The following SAXO1 variants were observed in gnomAD, a reference collection of about 807,000 sequenced individuals.
The protein encoded by SAXO1 is 4930500O09Rik.
In SAXO1, 21 loss-of-function variants were observed where a neutral mutation model predicts 17.5. The ratio of observed to expected loss-of-function variants is 1.20; its 90% CI spans 0.85 to 1.72. The LOEUF (loss-of-function observed/expected upper bound fraction) is 1.72, where lower values mean the gene tolerates loss of function less well. SAXO1 is among the 40% of genes most tolerant of loss of function. SAXO1 has a pLI of 0.00. For synonymous variants in SAXO1, 274 were observed against 216.5 expected, an observed-to-expected ratio of 1.27 and a Z score of -2.33; for missense variants, 843 against 596.0, an observed-to-expected ratio of 1.41 and a Z score of -4.32.
chr9:18,985,913 T>C (rs1199932384), intron 1 of SAXO1, among the ~76,000 whole-genome samples: 2 of 152,164 alleles, frequency 1.3e-5, no homozygotes, highest in African/African-American at 4.8e-5. Context: ...TTAAACAAAG[T>C]TTATTTTCAC....
At position 18,999,559 on chromosome 9, in the gene SAXO1, G is replaced by T. The variant is rs113626084; in HGVS notation, c.38+33312C>A. On this transcript the variant is annotated intron_variant, in intron 1 of 3. Transcript: ENST00000380534. ...CACCGTCTGGGAAGTGAGGAGCGCC[G>T]CTGCCTGGCCGCCACACCATCTGGG... Among the ~76,000 whole-genome samples the T allele has an allele frequency of 3.4e-3, 263 of 77,616 alleles. 5 individuals carry two copies. In the South Asian group the frequency reaches 0.048, roughly 14 times the overall value. The allele number at this position is 77,616 out of a possible 152,430, so 50.9% of individuals were successfully genotyped here.
At chr9:18,936,659 C>T (rs1831305972) in intron 3 of SAXO1, among the ~76,000 whole-genome samples, 1 of 152,206 alleles carries the variant, frequency 6.6e-6, no homozygotes. Context: ...ACATGACAAA[C>T]TATTCATATG....
Position 18,950,709 on chromosome 9 carries a change from T to A in SAXO1, c.218+49A>T, listed in dbSNP as rs192818730. 3 of 1,512,476 alleles carry A rather than the reference T, an allele frequency of 2.0e-6. No individual in the cohort carries two copies. The East Asian group carries it at 6.8e-5, about 34-fold the overall frequency. 93.7% of individuals were successfully genotyped at this position (1,512,476 alleles called of 1,614,324 possible). On this transcript the variant is annotated intron_variant, in intron 2 of 3. Coordinates refer to ENST00000380534, the MANE Select transcript of SAXO1 (RefSeq NM_153707.4). Reference sequence around the variant, plus strand: ...ATTATACATTAGCACTGCATGTTACTCCATTAGTGTTGTATGTACCTGCAT... The same window carrying A: ...ATTATACATTAGCACTGCATGTTACACCATTAGTGTTGTATGTACCTGCAT...
At chr9:18,991,415 AG>A (rs1486287536) in intron 1 of SAXO1, among the ~76,000 whole-genome samples, 1 of 152,214 alleles carries the variant, frequency 6.6e-6, no homozygotes, top group African/African-American at 2.4e-5. Context: ...TGTCCTTTGC[AG>A]GGACATGGAT....
intron 3 of SAXO1, among the ~76,000 whole-genome samples, chr9:18,932,855 C>A (rs1475149832): frequency 1.3e-5 from 2 of 152,154 alleles, no homozygotes; most frequent in South Asian, 2.1e-4. Flanking sequence ...ACAGAAACAA[C>A]TGATTTTTAT....
Position 18,962,749 on chromosome 9 carries a change from A to G in SAXO1, c.39-11812T>C, listed in dbSNP as rs145556858. Among the ~76,000 whole-genome samples the G allele has an allele frequency of 1.2e-4, 18 of 152,354 alleles. No individual in the cohort carries two copies. The East Asian group carries it at 3.5e-3, about 29-fold the overall frequency. ...TTGCAAAAATTTTCTCCCTTTCAGT[A>G]GGTTGCCTGTTCACTCTAATGATAG... On this transcript the variant is annotated intron_variant, in intron 1 of 3. Coordinates refer to ENST00000380534, the MANE Select transcript of SAXO1 (RefSeq NM_153707.4).
At chr9:18,951,059 C>T (rs1832017752) in intron 1 of SAXO1, 122 bp from the exon 2 acceptor site, 19 of 991,466 alleles carry the variant, frequency 1.9e-5, no homozygotes, top group Non-Finnish European at 2.5e-5. Flanking sequence ...CATTGAAAAC[C>T]AGAATTCAAC....
intron 2 of SAXO1, among the ~76,000 whole-genome samples, chr9:18,949,651 T>C (rs895654213): frequency 7.5e-5 from 11 of 146,740 alleles, no homozygotes; most frequent in African/African-American, 2.7e-4. Context: ...GATGGCAGCA[T>C]TGTGTAGAGA....
intron 1 of SAXO1, among the ~76,000 whole-genome samples, chr9:18,958,285 G>A (rs574869971): frequency 2.0e-5 from 3 of 152,242 alleles, no homozygotes; most frequent in African/African-American, 7.2e-5. Context: ...TTAGCCAGGT[G>A]TGATGGTGGG....
intron 1 of SAXO1, among the ~76,000 whole-genome samples, chr9:18,990,478 G>C (rs1833771378): frequency 6.6e-6 from 1 of 152,196 alleles, no homozygotes; most frequent in Non-Finnish European, 1.5e-5. Flanking sequence ...GGCCAAGGTA[G>C]GAGAATTGCT....
At chr9:18,998,922 A>C (rs11790580) in intron 1 of SAXO1, among the ~76,000 whole-genome samples, 12,511 of 152,276 alleles carry the variant, frequency 0.082, 719 homozygotes, top group African/African-American at 0.16. Flanking sequence ...TTTTGTCACC[A>C]CCAGGCCTGC....
chr9:19,026,902 T>C, intron 1 of SAXO1: 1 of 739,886 alleles, frequency 1.4e-6, no homozygotes, highest in South Asian at 1.3e-5. Flanking sequence ...ATGGCAACCG[T>C]GTGGGATGAG....
At chr9:18,959,256 A>T (rs1345105157) in intron 1 of SAXO1, among the ~76,000 whole-genome samples, 2 of 152,236 alleles carry the variant, frequency 1.3e-5, no homozygotes, top group African/African-American at 4.8e-5. Context: ...CTAAAATCAG[A>T]TCATCTTGCA....
At chr9:19,024,665 C>T (rs563782397) in intron 1 of SAXO1, among the ~76,000 whole-genome samples, 1 of 152,074 alleles carries the variant, frequency 6.6e-6, no homozygotes, top group African/African-American at 2.4e-5. Flanking sequence ...GCTTCACTTT[C>T]CTCATCACTT....
intron 1 of SAXO1, among the ~76,000 whole-genome samples, chr9:18,983,457 C>A (rs1374931639): frequency 1.3e-5 from 2 of 152,190 alleles, no homozygotes; most frequent in Admixed American, 1.3e-4. Flanking sequence ...GGTGGGGACA[C>A]AGAGCCAAAC....
intron 1 of SAXO1, chr9:19,027,973 T>C: frequency 6.5e-7 from 1 of 1,540,568 alleles, no homozygotes; most frequent in Non-Finnish European, 9.0e-7. Context: ...GCTGACCCGC[T>C]GCACAGATGA....
chr9:19,011,401 G>A (rs1184621411), intron 1 of SAXO1, among the ~76,000 whole-genome samples: 1 of 152,178 alleles, frequency 6.6e-6, no homozygotes, highest in East Asian at 1.9e-4. Context: ...GGCCATAGAT[G>A]ACTTAAACAA....
At chr9:18,951,408 G>A (rs538453260) in intron 1 of SAXO1, among the ~76,000 whole-genome samples, 13 of 152,070 alleles carry the variant, frequency 8.5e-5, no homozygotes, top group Admixed American at 6.6e-4. Context: ...GGGTCAACTC[G>A]GAATATCATC....
chr9:19,018,012 A>G (rs1835060248), intron 1 of SAXO1, among the ~76,000 whole-genome samples: 1 of 152,082 alleles, frequency 6.6e-6, no homozygotes, highest in African/African-American at 2.4e-5. Context: ...TACAAAAAAT[A>G]CAAAAATTAG....
Sources: allele counts gnomAD v4.1 joint callset (sites outside exome capture counted in the v4.1 genomes callset), GRCh38; gene constraint gnomAD v4.1.1; transcripts MANE v1.5; gene names NCBI Gene and HGNC (gene_info 2026-07-23, HGNC 2026-07-21).